CPNE4: variants seen among roughly 807,000 people sequenced by gnomAD.
CPNE4 encodes the protein copine-4.
A neutral mutation model predicts 67.9 loss-of-function variants in CPNE4; 25 were observed. That is an observed-to-expected ratio of 0.37 (90% CI 0.27 to 0.51). The LOEUF is 0.51. CPNE4 is among the 20% of genes least tolerant of loss of function. The pLI is 0.93. For synonymous variants in CPNE4, 242 were observed against 244.9 expected, an observed-to-expected ratio of 0.99 and a Z score of 0.11; for missense variants, 464 against 690.8, an observed-to-expected ratio of 0.67 and a Z score of 3.68.
intron 1 of CPNE4, among the ~76,000 whole-genome samples, chr3:131,909,366 A>G (rs2088891981): frequency 6.6e-6 from 1 of 152,166 alleles, no homozygotes. Flanking sequence ...TCCATATAAA[A>G]GATAGTCACA....
intron 2 of CPNE4, among the ~76,000 whole-genome samples, chr3:131,855,904 A>C (rs751119322): frequency 9.2e-5 from 14 of 151,918 alleles, no homozygotes; most frequent in Admixed American, 3.3e-4. Context: ...TATAAAATAA[A>C]ATTTATTGTA....
intron 1 of CPNE4, among the ~76,000 whole-genome samples, chr3:131,942,476 G>C (rs1316192931): frequency 4.3e-5 from 3 of 70,196 alleles, no homozygotes; most frequent in African/African-American, 2.1e-4. Flanking sequence ...GAGAGAGAGA[G>C]AGAGAGAGAG....
chr3:131,547,621 T>TGGACAA (rs888351391), intron 14 of CPNE4, among the ~76,000 whole-genome samples: 86 of 152,236 alleles, frequency 5.6e-4, no homozygotes, highest in African/African-American at 2.0e-3. Flanking sequence ...GCATTACTGC[T>TGGACAA]GGACAAGATC....
intron 1 of CPNE4, among the ~76,000 whole-genome samples, chr3:131,944,324 C>G (rs1186217020): frequency 2.0e-5 from 3 of 151,758 alleles, no homozygotes; most frequent in Non-Finnish European, 4.4e-5. Context: ...ATGGTGTGGG[C>G]AATTTGGGGT....
At chr3:131,649,566 T>A (rs2079756006) in intron 7 of CPNE4, among the ~76,000 whole-genome samples, 1 of 152,226 alleles carries the variant, frequency 6.6e-6, no homozygotes, top group African/African-American at 2.4e-5. Context: ...ATCTCCAGGC[T>A]GACGTTCAAG....
intron 2 of CPNE4, among the ~76,000 whole-genome samples, chr3:131,843,430 G>C (rs1423255017): frequency 6.6e-6 from 1 of 152,130 alleles, no homozygotes; most frequent in African/African-American, 2.4e-5. Context: ...AAATAAAGAG[G>C]GCAAAGCGAT....
chr3:131,911,250 G>C (rs972672458), intron 1 of CPNE4, among the ~76,000 whole-genome samples: 2 of 140,996 alleles, frequency 1.4e-5, no homozygotes, highest in Admixed American at 7.5e-5. Flanking sequence ...CAGAAACTGA[G>C]ACTCTCAGTC....
At chr3:131,600,978 T>C (rs1939171228) in intron 7 of CPNE4, among the ~76,000 whole-genome samples, 1 of 152,212 alleles carries the variant, frequency 6.6e-6, no homozygotes, top group South Asian at 2.1e-4. Flanking sequence ...TTTTCATTAA[T>C]GGGGCAAAAC....
At chr3:131,597,742 T>A (rs756059231) in intron 7 of CPNE4, among the ~76,000 whole-genome samples, 2 of 152,244 alleles carry the variant, frequency 1.3e-5, no homozygotes, top group Non-Finnish European at 2.9e-5. Context: ...GGCTCCTTAG[T>A]CATACCATGT....
In CPNE4 at chr3:131,581,650, T is replaced by G. The variant is rs1418373526; in HGVS notation, c.796A>C (p.Ile266Leu). 6.2e-7 allele frequency: 1 copy of G among 1,610,410 alleles called. No individual in the cohort carries two copies. The highest frequency in any genetic ancestry group is 8.5e-7 in the Non-Finnish European group (1 of 1,176,652). ...MEGKQVQWEC[I>L]NPKYKAKKKN... Reference sequence around the variant, plus strand: ...TTCTTGGCTTTGTACTTGGGATTGATGCACTCCCACTGCACCTGAAAGAAG... The same window carrying G: ...TTCTTGGCTTTGTACTTGGGATTGAGGCACTCCCACTGCACCTGAAAGAAG... Residue 266 changes from isoleucine to leucine, a missense_variant, in exon 9 of 16, where the codon ATC becomes CTC. Physicochemically the swap from Ile to Leu is conservative, Grantham distance 5 (BLOSUM62 2). Transcript: ENST00000429747.
Position 132,014,687 on chromosome 3 carries a change from A to G in CPNE4, c.-2+19880T>C, listed in dbSNP as rs182607044. The stretch of plus-strand genomic sequence containing the variant: ...TAGTTTTAATTGCATTCCATGGTGT[A>G]TATAAGGAGGGTTATATTTCTATTG... On this transcript the variant is annotated intron_variant, in intron 1 of 15. Coordinates refer to ENST00000429747, the MANE Select transcript of CPNE4 (RefSeq NM_130808.3). 6.5e-3 allele frequency among the ~76,000 whole-genome samples: 990 copies of G among 152,248 alleles called. 7 individuals carry two copies. The highest frequency in any genetic ancestry group is 0.023 in the African/African-American group (951 of 41,550).
At chr3:131,949,677 T>C (rs1487956905) in intron 1 of CPNE4, among the ~76,000 whole-genome samples, 2 of 152,128 alleles carry the variant, frequency 1.3e-5, no homozygotes, top group Non-Finnish European at 2.9e-5. Flanking sequence ...GAAGATCAAA[T>C]TATTATTTAT....
chr3:131,595,309 A>G (rs899112601), intron 7 of CPNE4, among the ~76,000 whole-genome samples: 1 of 152,228 alleles, frequency 6.6e-6, no homozygotes, highest in African/African-American at 2.4e-5. Flanking sequence ...AGGTATGGTA[A>G]TAACTTAAAT....
chr3:131,553,024 G>A (rs1370984429), intron 12 of CPNE4, among the ~76,000 whole-genome samples: 16 of 152,046 alleles, frequency 1.1e-4, no homozygotes, highest in Non-Finnish European at 4.4e-5. Context: ...AAAACAGACT[G>A]CACTCTACTT....
At chr3:131,959,334 T>A (rs997192502) in intron 1 of CPNE4, among the ~76,000 whole-genome samples, 14 of 151,182 alleles carry the variant, frequency 9.3e-5, no homozygotes, top group Non-Finnish European at 1.6e-4. Flanking sequence ...ATCCTATATA[T>A]AATATAGAGT....
At chr3:131,972,215 A>G (rs757669838) in intron 1 of CPNE4, among the ~76,000 whole-genome samples, 2 of 152,212 alleles carry the variant, frequency 1.3e-5, no homozygotes, top group Non-Finnish European at 2.9e-5. Flanking sequence ...CAATGAAAAT[A>G]CTAAGGGTTA....
rs558036493 is a variant in CPNE4 at position 131,630,228 on chromosome 3, C to A, written c.681+39447G>T. Among the ~76,000 whole-genome samples the A allele has an allele frequency of 4.6e-5, 7 of 152,332 alleles. No individual in the cohort carries two copies. The South Asian group carries it at 1.4e-3, about 32-fold the overall frequency. Reference sequence around the variant, plus strand: ...GTCCCTTAGTGGCCATCTTGATGATCAGATCTACTGTCACAGTATCACACT... The same window carrying A: ...GTCCCTTAGTGGCCATCTTGATGATAAGATCTACTGTCACAGTATCACACT... On this transcript the variant is annotated intron_variant, in intron 7 of 15. Transcript: ENST00000429747.
chr3:131,801,452 G>GTA (rs71136416), intron 2 of CPNE4, among the ~76,000 whole-genome samples: 6,460 of 53,182 alleles, frequency 0.12, 645 homozygotes, highest in Non-Finnish European at 0.16. Flanking sequence ...GTGTGTGTGT[G>GTA]TATATATATA....
At chr3:131,567,526 TGA>T (rs1427075741) in intron 10 of CPNE4, among the ~76,000 whole-genome samples, 1 of 151,872 alleles carries the variant, frequency 6.6e-6, no homozygotes, top group African/African-American at 2.4e-5. Context: ...ATCCGCAGAG[TGA>T]GAGTCTCCTT....
Sources: gnomAD v4.1 joint callset for allele counts (sites outside exome capture counted in the v4.1 genomes callset) on GRCh38, gnomAD v4.1.1 for gene constraint, MANE v1.5 for transcripts, NCBI Gene and HGNC (gene_info 2026-07-23, HGNC 2026-07-21) for gene names.